The following ADD1 variants were observed in gnomAD, a reference collection of about 807,000 sequenced individuals.
The protein encoded by ADD1 is alpha-adducin.
Under a neutral mutation model 80.5 loss-of-function variants are expected in ADD1, and 24 were observed. The ratio of observed to expected loss-of-function variants is 0.30; its 90% confidence interval spans 0.22 to 0.42. The LOEUF (loss-of-function observed/expected upper bound fraction) is 0.42. ADD1 is among the 10% of genes least tolerant of loss of function. The probability of loss-of-function intolerance (pLI) is 1.00; values close to 1 mark genes in which losing one functional copy is unlikely to be tolerated. For synonymous variants in ADD1, 373 were observed against 393.8 expected (o/e 0.95, Z 0.63); for missense variants, 948 against 1,019.0 (o/e 0.93, Z 0.95).
At chr4:2,899,021 C>A in intron 8 of ADD1, 1 of 512,176 alleles carries the variant, frequency 2.0e-6, no homozygotes, top group South Asian at 2.4e-5. Flanking sequence ...TTGTAGGATC[C>A]TGAAAGGTGC....
chr4:2,894,104 CCTT>C lies in ADD1; in HGVS notation c.591+14_591+16del. On this transcript the variant is annotated intron_variant, in intron 5 of 15. Coordinates refer to ENST00000683351, the MANE Select transcript of ADD1 (RefSeq NM_001354761.2). ...ACTGCATCCAGTTTGGTAAGAATGT[CCTT>C]CTCTTTGGCAGCTTGTATGTGCAGG... 5 of 1,609,778 alleles carry C rather than the reference CCTT, an allele frequency of 3.1e-6. No homozygotes were observed. Among genetic ancestry groups the C allele is most frequent in the South Asian group, 1.1e-5 (1 of 91,000 alleles).
At chr4:2,874,351 A>T (rs971076494) in intron 1 of ADD1, among the ~76,000 whole-genome samples, 3 of 152,234 alleles carry the variant, frequency 2.0e-5, no homozygotes, top group Non-Finnish European at 4.4e-5. Flanking sequence ...TAACGCCTAT[A>T]ATCCCAGCAC....
chr4:2,852,162 C>CTTTCTTTCT (rs1196256443), intron 1 of ADD1, among the ~76,000 whole-genome samples: 6 of 75,776 alleles, frequency 7.9e-5, no homozygotes, highest in Non-Finnish European at 1.5e-4. Context: ...TTCTTTCTTT[C>CTTTCTTTCT]TTTCTTTCTT....
intron 1 of ADD1, among the ~76,000 whole-genome samples, chr4:2,856,354 C>CT (rs1258389409): frequency 6.6e-6 from 1 of 152,042 alleles, no homozygotes; most frequent in African/African-American, 2.4e-5. Flanking sequence ...GGTGATCTGT[C>CT]TTTTTTTCTT....
chr4:2,910,871 C>T (rs1737902916), intron 13 of ADD1, among the ~76,000 whole-genome samples: 1 of 152,204 alleles, frequency 6.6e-6, no homozygotes, highest in African/African-American at 2.4e-5. Context: ...AGGAAGAGAG[C>T]TTGACCACCT....
In ADD1 at chr4:2,926,963, G is replaced by GT. The variant is rs1430198190; in HGVS notation, c.2047+852dup. Among the ~76,000 whole-genome samples, 1 of 152,190 alleles carries GT rather than the reference G, an allele frequency of 6.6e-6. No homozygotes were observed. Among genetic ancestry groups the GT allele is most frequent in the African/African-American group, 2.4e-5 (1 of 41,438 alleles). ...TTTGAGGGTCTCTTTGGATTGCTTG[G>GT]TGGGAGGGTTTTGCCACACTGGATC... is the stretch of plus-strand genomic sequence containing the variant. On this transcript the variant is annotated intron_variant, in intron 15 of 15. Transcript: ENST00000683351. This position sits in a 1 kb window ranked among gnomAD's most constrained non-coding sequence, Gnocchi z 5.0.
chr4:2,866,268 G>A (rs1158333928), intron 1 of ADD1, among the ~76,000 whole-genome samples: 4 of 152,034 alleles, frequency 2.6e-5, no homozygotes, highest in African/African-American at 9.7e-5. Flanking sequence ...CCGGGTTCAA[G>A]CAATTCTCCT....
At chr4:2,846,565 C>T (rs939490525) in intron 1 of ADD1, among the ~76,000 whole-genome samples, 1 of 152,088 alleles carries the variant, frequency 6.6e-6, no homozygotes, top group Non-Finnish European at 1.5e-5. Context: ...CATGCCTCCA[C>T]TATTTGGTTA....
chr4:2,876,267 C>G, intron 2 of ADD1, 157 bp downstream of exon 2: 1 of 585,548 alleles, frequency 1.7e-6, no homozygotes. Context: ...GAATTCAGTT[C>G]AGTTCATGTT....
intron 9 of ADD1, chr4:2,901,698 A>G (rs1736199824): frequency 6.6e-6 from 1 of 152,200 alleles, no homozygotes; most frequent in African/African-American, 2.4e-5. Context: ...CTGTGATCCC[A>G]GCACTTCAGG....
rs1215776125 is a variant in ADD1, at chr4:2,926,260, T to C, written c.2047+148T>C. 3.9e-6 allele frequency: 3 copies of C among 773,832 alleles called. No homozygotes were observed. The highest frequency in any genetic ancestry group is 6.8e-6 in the Non-Finnish European group (3 of 440,526). 47.9% of individuals were successfully genotyped at this position (773,832 alleles called of 1,614,324 possible). On this transcript the variant is annotated intron_variant, in intron 15 of 15. Coordinates refer to ENST00000683351, the MANE Select transcript of ADD1 (RefSeq NM_001354761.2). The surrounding 1 kb of genome is among the most constrained non-coding windows in gnomAD (Gnocchi z 5.0). ...GACGTGACACCTTTCTCCTCCTATA[T>C]TGCTTCTGTCCTGGGTAACTCCAGG...
In ADD1 at chr4:2,856,765, A is replaced by G. The variant is rs187970926; in HGVS notation, c.-21+12741A>G. 1.1e-3 allele frequency among the ~76,000 whole-genome samples: 166 copies of G among 149,076 alleles called. 1 individual carries two copies. Among genetic ancestry groups the G allele is most frequent in the Admixed American group, 3.8e-3 (56 of 14,898 alleles). The stretch of plus-strand genomic sequence containing the variant: ...ACCACCATATCTGGCTAATTTTTGT[A>G]TTTTTAATAGAGATGGGGTTTCACC... On this transcript the variant is annotated intron_variant, in intron 1 of 15. Coordinates refer to ENST00000683351, the MANE Select transcript of ADD1 (RefSeq NM_001354761.2).
intron 1 of ADD1, among the ~76,000 whole-genome samples, chr4:2,849,128 ATAAT>A (rs1374128412): frequency 6.6e-6 from 1 of 152,222 alleles, no homozygotes; most frequent in African/African-American, 2.4e-5. Flanking sequence ...TTTTCTCCAC[ATAAT>A]TAAGTATGGA....
chr4:2,899,914 C>T (rs113112966), intron 9 of ADD1: 5,014 of 263,718 alleles, frequency 0.019, 145 homozygotes, highest in African/African-American at 0.07. Context: ...ACACAGAGCC[C>T]GGCATGGTCC....
Position 2,926,368 on chromosome 4 carries a change from C to T in ADD1, c.2047+256C>T. On this transcript the variant is annotated intron_variant, in intron 15 of 15. Transcript: ENST00000683351. The surrounding 1 kb of genome is among the most constrained non-coding windows in gnomAD (Gnocchi z 5.0). ...AACCCACCATGGTTGCTGGTGTCCACGTTGCCCATTGCTCGCACACTCCTC... is the reference window on the plus strand; with the variant it reads ...AACCCACCATGGTTGCTGGTGTCCATGTTGCCCATTGCTCGCACACTCCTC... 1 of 700,680 alleles carries T rather than the reference C, an allele frequency of 1.4e-6. No homozygotes were observed. Among genetic ancestry groups the T allele is most frequent in the South Asian group, 1.5e-5 (1 of 66,722 alleles). The allele number at this position is 700,680 out of a possible 1,614,324, so 43.4% of individuals were successfully genotyped here.
chr4:2,884,290 T>C (rs537716007), intron 3 of ADD1, among the ~76,000 whole-genome samples: 21 of 152,360 alleles, frequency 1.4e-4, no homozygotes, highest in Admixed American at 7.8e-4. Context: ...AAGATAAATA[T>C]CTCAGAACCA....
At chr4:2,889,292 G>A (rs1381454337) in intron 4 of ADD1, among the ~76,000 whole-genome samples, 1 of 151,980 alleles carries the variant, frequency 6.6e-6, no homozygotes. Flanking sequence ...AGTCACAAGT[G>A]GAAATAATTA....
chr4:2,858,720 C>T (rs1728427704), intron 1 of ADD1, among the ~76,000 whole-genome samples: 1 of 152,204 alleles, frequency 6.6e-6, no homozygotes, highest in East Asian at 1.9e-4. Context: ...CAGGCAGTGG[C>T]TCATGCCTGT....
At chr4:2,882,589 G>A (rs1376154019) in intron 3 of ADD1, among the ~76,000 whole-genome samples, 1 of 152,210 alleles carries the variant, frequency 6.6e-6, no homozygotes. Flanking sequence ...ACTGCATATT[G>A]TACCTTGGAT....
Sources: gnomAD v4.1 joint callset for allele counts (sites outside exome capture counted in the v4.1 genomes callset) on GRCh38, gnomAD v4.1.1 for gene constraint, Gnocchi (gnomAD v3.1) non-coding constraint, MANE v1.5 for transcripts, NCBI Gene and HGNC (gene_info 2026-07-23, HGNC 2026-07-21) for gene names.